TENM3: variants seen among roughly 807,000 people sequenced by gnomAD.
TENM3 encodes teneurin-3.
Under a neutral mutation model 255.1 loss-of-function variants are expected in TENM3, and 63 were observed. That is an observed-to-expected ratio of 0.25 (90% CI 0.20 to 0.30). TENM3 has a LOEUF of 0.30. Ranked by LOEUF, TENM3 falls within the 10% of genes least tolerant of loss-of-function variation. The pLI, the probability that TENM3 is intolerant of heterozygous loss-of-function variation, is 1.00. For synonymous variants in TENM3, 1,306 were observed against 1,322.3 expected (o/e 0.99, Z 0.27); for missense variants, 2,929 against 3,461.1 (o/e 0.85, Z 3.86).
chr4:182,590,538 CAAAAAAAAAAAA>C (rs34681777), intron 3 of TENM3, among the ~76,000 whole-genome samples: 859 of 79,994 alleles, frequency 0.011, 15 homozygotes, highest in African/African-American at 0.037. Flanking sequence ...GACCCTGTCT[CAAAAAAAAAAAA>C]AAAAAAAAAA....
chr4:181,852,200 C>CT, the TENM3 span, among the ~76,000 whole-genome samples: 3 of 152,212 alleles, frequency 2.0e-5, no homozygotes, highest in Non-Finnish European at 4.4e-5. Flanking sequence ...AAGTGGGACA[C>CT]TAAAACATCG....
At chr4:182,258,042 T>G (rs1371961850) in intron 1 of TENM3, among the ~76,000 whole-genome samples, 1 of 152,062 alleles carries the variant, frequency 6.6e-6, no homozygotes, top group Non-Finnish European at 1.5e-5. Flanking sequence ...AAAGAATAAA[T>G]GTAAATTGTG....
intron 18 of TENM3, 95 bp from the exon 19 acceptor site, chr4:182,743,075 G>T (rs367910764): frequency 4.6e-6 from 6 of 1,301,380 alleles, no homozygotes; most frequent in Middle Eastern, 4.0e-4. Context: ...GACCTGACAG[G>T]CATTGAATTA....
chr4:182,236,242 C>T (rs1756896380), intron 1 of TENM3, among the ~76,000 whole-genome samples: 1 of 152,160 alleles, frequency 6.6e-6, no homozygotes, highest in Non-Finnish European at 1.5e-5. Flanking sequence ...TTGTGCTTTA[C>T]ACTGAATAAG....
chr4:181,619,416 A>T, the TENM3 span, among the ~76,000 whole-genome samples: 2 of 152,038 alleles, frequency 1.3e-5, no homozygotes, highest in African/African-American at 4.8e-5. Flanking sequence ...ACCCATTTTT[A>T]AATTTTTATT....
chr4:181,905,979 T>C, the TENM3 span: 1 of 513,596 alleles, frequency 1.9e-6, no homozygotes, highest in Non-Finnish European at 3.7e-6. Context: ...TGGTACATAC[T>C]TTTTTACTCA....
intron 3 of TENM3, among the ~76,000 whole-genome samples, chr4:182,532,466 T>A (rs750436055): frequency 6.6e-6 from 1 of 152,208 alleles, no homozygotes; most frequent in Non-Finnish European, 1.5e-5. Context: ...GATTGTAATA[T>A]CCACTCTCCT....
chr4:182,492,286 T>A (rs1394530590), intron 3 of TENM3, among the ~76,000 whole-genome samples: 1 of 152,198 alleles, frequency 6.6e-6, no homozygotes. Flanking sequence ...TTTAAAAATC[T>A]GGCAGACTGC....
intron 3 of TENM3, among the ~76,000 whole-genome samples, chr4:182,386,276 CA>C (rs1387953788): frequency 1.3e-5 from 2 of 152,214 alleles, no homozygotes; most frequent in Non-Finnish European, 2.9e-5. Context: ...GGGATTCTCA[CA>C]AAATGTCTGG....
the TENM3 span, among the ~76,000 whole-genome samples, chr4:181,738,144 T>G: frequency 6.6e-6 from 1 of 152,180 alleles, no homozygotes; most frequent in Admixed American, 6.5e-5. Flanking sequence ...CACTATCATT[T>G]AGAAACATAC....
At chr4:182,461,171 C>T (rs1229482487) in intron 3 of TENM3, among the ~76,000 whole-genome samples, 1 of 152,174 alleles carries the variant, frequency 6.6e-6, no homozygotes, top group African/African-American at 2.4e-5. Context: ...AAACTTTTCT[C>T]TTTAATCCAA....
At chr4:181,779,806 G>T in the TENM3 span, among the ~76,000 whole-genome samples, 2 of 151,984 alleles carry the variant, frequency 1.3e-5, no homozygotes, top group Non-Finnish European at 2.9e-5. Flanking sequence ...CCCCACGACA[G>T]GCCCCAGTGT....
At chr4:182,263,220 C>T (rs748812292) in intron 1 of TENM3, among the ~76,000 whole-genome samples, 1 of 152,042 alleles carries the variant, frequency 6.6e-6, no homozygotes, top group Non-Finnish European at 1.5e-5. Flanking sequence ...AGAAGACCCC[C>T]GACCCAAAGG....
the TENM3 span, among the ~76,000 whole-genome samples, chr4:182,051,401 G>A: frequency 1.4e-5 from 2 of 143,596 alleles, no homozygotes; most frequent in Non-Finnish European, 3.0e-5. Flanking sequence ...TTTTGGAGAT[G>A]GAGTCTTGCT....
chr4:181,705,401 C>T, the TENM3 span, among the ~76,000 whole-genome samples: 4 of 152,140 alleles, frequency 2.6e-5, no homozygotes, highest in Admixed American at 1.3e-4. Context: ...CTATGGAACA[C>T]TTGAAAGAGA....
the TENM3 span, among the ~76,000 whole-genome samples, chr4:182,088,168 A>G: frequency 6.6e-6 from 1 of 152,366 alleles, no homozygotes; most frequent in Admixed American, 6.5e-5. Flanking sequence ...CATACAGTGA[A>G]TGTTTCTATA....
the TENM3 span, among the ~76,000 whole-genome samples, chr4:182,111,108 T>C: frequency 2.6e-5 from 4 of 151,676 alleles, no homozygotes; most frequent in African/African-American, 9.7e-5. Flanking sequence ...AACTCTCTCA[T>C]GGTTTCATAT....
chr4:182,774,648 C>G (rs1285025131), intron 23 of TENM3, among the ~76,000 whole-genome samples: 2 of 152,132 alleles, frequency 1.3e-5, no homozygotes, highest in East Asian at 3.9e-4. Context: ...AAGCTGAGCT[C>G]TCATTTCATC....
At chr4:182,722,921 A>T (rs192498644) in intron 13 of TENM3, among the ~76,000 whole-genome samples, 2 of 152,226 alleles carry the variant, frequency 1.3e-5, no homozygotes, top group African/African-American at 2.4e-5. Flanking sequence ...AAAAAGGAAG[A>T]GACGAGGAGT....
Sources: allele counts gnomAD v4.1 joint callset (sites outside exome capture counted in the v4.1 genomes callset), GRCh38; gene constraint gnomAD v4.1.1; transcripts MANE v1.5; gene names NCBI Gene and HGNC (gene_info 2026-07-23, HGNC 2026-07-21).